Variants in HCRTR2 observed in about 807,000 individuals in gnomAD.
HCRTR2 encodes orexin receptor type 2.
A neutral mutation model predicts 49.0 loss-of-function variants in HCRTR2; 22 were observed. The observed-to-expected ratio is 0.45, with a 90% confidence interval of 0.32 to 0.64. The LOEUF (loss-of-function observed/expected upper bound fraction) is 0.64, where lower values mean the gene tolerates loss of function less well. Among genes scored for constraint, HCRTR2 ranks in the 30% least tolerant of loss-of-function variants. The probability of loss-of-function intolerance (pLI) is 0.04; values close to 1 mark genes in which losing one functional copy is unlikely to be tolerated. For missense variants in HCRTR2, 491 were observed against 559.4 expected (o/e 0.88, Z 1.23); for synonymous variants, 236 against 205.3 (o/e 1.15, Z -1.28).
intron 1 of HCRTR2, among the ~76,000 whole-genome samples, chr6:55,162,503 G>T (rs901909616): frequency 6.6e-6 from 1 of 152,184 alleles, no homozygotes; most frequent in Non-Finnish European, 1.5e-5. Flanking sequence ...TCAGGCAAGA[G>T]AAAGAAATAG....
At chr6:55,272,949 T>C (rs934474589) in intron 4 of HCRTR2, among the ~76,000 whole-genome samples, 9 of 148,884 alleles carry the variant, frequency 6.0e-5, no homozygotes, top group Non-Finnish European at 1.2e-4. Flanking sequence ...GGAGGCATAG[T>C]GAGAAGATCA....
chr6:55,245,469 TTATATATA>T (rs745939954), intron 1 of HCRTR2, among the ~76,000 whole-genome samples: 2,292 of 56,748 alleles, frequency 0.04, 120 homozygotes, highest in African/African-American at 0.1. Context: ...TAGGAAGATT[TTATATATA>T]TATATATATA....
At chr6:55,267,905 A>G (rs373907144) in intron 4 of HCRTR2, among the ~76,000 whole-genome samples, 4 of 152,348 alleles carry the variant, frequency 2.6e-5, no homozygotes, top group African/African-American at 9.6e-5. Context: ...AAAAATAAGG[A>G]GCACCAGTAA....
intron 1 of HCRTR2, among the ~76,000 whole-genome samples, chr6:55,120,248 A>G (rs7774937): frequency 0.015 from 2,297 of 152,130 alleles, 68 homozygotes; most frequent in African/African-American, 0.053. Flanking sequence ...TGTCTTGGCT[A>G]TGTGGGCCCT....
rs554299077 is a variant in HCRTR2 at position 55,213,560 on chromosome 6, T to A, written c.224-35079T>A. 3.3e-5 allele frequency among the ~76,000 whole-genome samples: 5 copies of A among 152,224 alleles called. No individual in the cohort carries two copies. The South Asian group carries it at 1.0e-3, about 32-fold the overall frequency. ...AGTTAAGAGGCTCCTGTATCTCAGA[T>A]GAGTGCAAAGCCAGCTGCAACAGAG... is the stretch of plus-strand genomic sequence containing the variant. On this transcript the variant is annotated intron_variant, in intron 1 of 6. Transcript: ENST00000370862.
At chr6:55,268,934 C>CA (rs1304176817) in intron 4 of HCRTR2, among the ~76,000 whole-genome samples, 30 of 151,438 alleles carry the variant, frequency 2.0e-4, no homozygotes, top group African/African-American at 6.5e-4. Flanking sequence ...ACTAAAGATA[C>CA]AAAAAATTAG....
chr6:55,271,598 C>T (rs1012844025), intron 4 of HCRTR2, among the ~76,000 whole-genome samples: 6 of 151,818 alleles, frequency 4.0e-5, no homozygotes, highest in African/African-American at 1.5e-4. Flanking sequence ...AAAAGTCAGC[C>T]CATATAAATG....
intron 1 of HCRTR2, among the ~76,000 whole-genome samples, chr6:55,219,418 T>C (rs1464535939): frequency 6.6e-6 from 1 of 152,180 alleles, no homozygotes; most frequent in African/African-American, 2.4e-5. Context: ...CCAATATGTG[T>C]ACATTAAACA....
intron 1 of HCRTR2, among the ~76,000 whole-genome samples, chr6:55,128,375 T>A (rs1012801961): frequency 2.0e-5 from 3 of 152,232 alleles, no homozygotes; most frequent in African/African-American, 7.2e-5. Flanking sequence ...AGCTTTGTTC[T>A]TTTTGCTTAG....
chr6:55,234,459 G>C (rs1012532318), intron 1 of HCRTR2, among the ~76,000 whole-genome samples: 2 of 152,076 alleles, frequency 1.3e-5, no homozygotes, highest in South Asian at 4.1e-4. Context: ...TTAATTTGAG[G>C]ATTACCTAGT....
chr6:55,262,342 A>G (rs1193660194), intron 3 of HCRTR2, among the ~76,000 whole-genome samples: 4 of 141,974 alleles, frequency 2.8e-5, no homozygotes, highest in African/African-American at 1.0e-4. Context: ...GTTATATATA[A>G]TATTATATAT....
In HCRTR2 at chr6:55,248,902, T is replaced by C; in HGVS notation, c.402+85T>C. On this transcript the variant is annotated intron_variant, in intron 2 of 6. Transcript: ENST00000370862. ...CCCTTATGGTAAATTAACTAGTGAG[T>C]TGAGAAATATATTTGCCTAAGGCAT... 8.1e-6 allele frequency: 9 copies of C among 1,109,204 alleles called. 1 individual carries two copies. In the South Asian group the frequency reaches 1.1e-4, roughly 14 times the overall value. 68.7% of individuals were successfully genotyped at this position (1,109,204 alleles called of 1,614,324 possible).
intron 1 of HCRTR2, among the ~76,000 whole-genome samples, chr6:55,142,089 T>A (rs4469294): frequency 1 from 152,325 of 152,364 alleles, 76,143 homozygotes; most frequent in Middle Eastern, 1. Context: ...AAATAGTAAG[T>A]TTTATCTCCC....
At chr6:55,132,452 A>G (rs1330708764) in intron 1 of HCRTR2, among the ~76,000 whole-genome samples, 2 of 151,948 alleles carry the variant, frequency 1.3e-5, no homozygotes, top group Admixed American at 1.3e-4. Context: ...CACAAGAAAA[A>G]GGAATATTGA....
chr6:55,141,371 G>T (rs1356781199), intron 1 of HCRTR2, among the ~76,000 whole-genome samples: 1 of 151,780 alleles, frequency 6.6e-6, no homozygotes, highest in African/African-American at 2.4e-5. Flanking sequence ...AAAAGAAAAA[G>T]AAAAATGTGT....
intron 1 of HCRTR2, among the ~76,000 whole-genome samples, chr6:55,202,688 C>T (rs1202486229): frequency 6.6e-6 from 1 of 152,156 alleles, no homozygotes. Flanking sequence ...GAAGGCTCTG[C>T]TCTCATGACC....
chr6:55,282,299 C>G lies in HCRTR2; in HGVS notation c.1180C>G (p.Leu394Val). ...LGVHHRQEDR[L>V]TRGRTSTESR... Reference sequence around the variant, plus strand: ...AGTTCACCATCGCCAGGAGGATCGGCTCACCAGGGGACGAACTAGCACAGA... The same window carrying G: ...AGTTCACCATCGCCAGGAGGATCGGGTCACCAGGGGACGAACTAGCACAGA... The change falls in exon 7 of 7, where the codon CTC becomes GTC. Residue 394 changes from leucine (L) to valine (V), a missense_variant. Coordinates refer to ENST00000370862, the MANE Select transcript of HCRTR2 (RefSeq NM_001384272.1). 6.2e-7 allele frequency: 1 copy of G among 1,613,878 alleles called. No individual in the cohort carries two copies. The highest frequency in any genetic ancestry group is 8.5e-7 in the Non-Finnish European group (1 of 1,179,934).
At chr6:55,185,295 C>A (rs971474632) in intron 1 of HCRTR2, among the ~76,000 whole-genome samples, 1 of 152,066 alleles carries the variant, frequency 6.6e-6, no homozygotes, top group African/African-American at 2.4e-5. Context: ...CACAGGAAAA[C>A]CTAGAGAGAT....
chr6:55,252,515 C>T (rs949623971), intron 2 of HCRTR2, among the ~76,000 whole-genome samples: 8 of 152,040 alleles, frequency 5.3e-5, no homozygotes, highest in African/African-American at 1.4e-4. Flanking sequence ...TCTATACAAC[C>T]ATAGTTCTAT....
Sources: gnomAD v4.1 joint callset for allele counts (sites outside exome capture counted in the v4.1 genomes callset) on GRCh38, gnomAD v4.1.1 for gene constraint, MANE v1.5 for transcripts, NCBI Gene and HGNC (gene_info 2026-07-23, HGNC 2026-07-21) for gene names.